MMP16: variants seen among roughly 807,000 people sequenced by gnomAD.
MMP16 encodes matrix metallopeptidase 16.
MMP16 carries 12 observed loss-of-function variants against 67.8 expected under a neutral mutation model. The ratio of observed to expected loss-of-function variants is 0.18; its 90% CI spans 0.11 to 0.29. MMP16 has a LOEUF of 0.29. Ranked by LOEUF, MMP16 falls within the 10% of genes least tolerant of loss-of-function variation. MMP16 has a pLI of 1.00. For synonymous variants in MMP16, 249 were observed against 255.9 expected, an observed-to-expected ratio of 0.97 and a Z score of 0.26; for missense variants, 475 against 765.7, an observed-to-expected ratio of 0.62 and a Z score of 4.48.
chr8:88,256,187 T>C (rs1310560568), intron 1 of MMP16, among the ~76,000 whole-genome samples: 1 of 152,194 alleles, frequency 6.6e-6, no homozygotes, highest in East Asian at 1.9e-4. Context: ...TGTAATGTTC[T>C]AAATACTTAT....
rs1387321342 is a variant in MMP16 at position 88,149,638 on chromosome 8, G to A, written c.709+18031C>T. 2.0e-5 allele frequency among the ~76,000 whole-genome samples: 3 copies of A among 151,548 alleles called. No homozygotes were observed. In the South Asian group the frequency reaches 6.2e-4, roughly 32 times the overall value. On this transcript the variant is annotated intron_variant, in intron 4 of 9. Coordinates refer to ENST00000286614, the MANE Select transcript of MMP16 (RefSeq NM_005941.5). ...CACGGCAGGGTATTCCAACAGACCT[G>A]CAGCTGAGGGTGCTGTCTGTTAGAA...
intron 4 of MMP16, among the ~76,000 whole-genome samples, chr8:88,161,302 C>A (rs1430637890): frequency 6.6e-6 from 1 of 152,170 alleles, no homozygotes; most frequent in Non-Finnish European, 1.5e-5. Context: ...AGGAATTTAT[C>A]CATTTCTTCT....
At chr8:88,200,060 T>C (rs562658045) in intron 1 of MMP16, among the ~76,000 whole-genome samples, 1 of 152,158 alleles carries the variant, frequency 6.6e-6, no homozygotes, top group South Asian at 2.1e-4. Context: ...TATTATTTTA[T>C]GCTTACCAAC....
intron 1 of MMP16, among the ~76,000 whole-genome samples, chr8:88,300,802 G>A (rs1002689512): frequency 1.2e-4 from 19 of 152,218 alleles, no homozygotes; most frequent in African/African-American, 4.1e-4. Context: ...AAGTACAGAA[G>A]CCTCCAAGAT....
intron 8 of MMP16, among the ~76,000 whole-genome samples, chr8:88,054,141 A>G (rs1808302832): frequency 6.6e-6 from 1 of 152,184 alleles, no homozygotes; most frequent in African/African-American, 2.4e-5. Context: ...TGTGGGAAAA[A>G]GAGCTATCTG....
chr8:88,062,613 C>T (rs1188237724), intron 7 of MMP16, among the ~76,000 whole-genome samples: 5 of 151,528 alleles, frequency 3.3e-5, no homozygotes, highest in South Asian at 2.1e-4. Flanking sequence ...ACAATGAGAA[C>T]ACTTGGACAC....
chr8:88,306,882 C>A (rs1342955331), intron 1 of MMP16, among the ~76,000 whole-genome samples: 1 of 152,160 alleles, frequency 6.6e-6, no homozygotes, highest in African/African-American at 2.4e-5. Context: ...GACATGGATA[C>A]CCTCTTACCA....
At chr8:88,303,782 C>T (rs1811170259) in intron 1 of MMP16, among the ~76,000 whole-genome samples, 2 of 152,304 alleles carry the variant, frequency 1.3e-5, no homozygotes, top group South Asian at 4.1e-4. Context: ...ACAAAAAACC[C>T]TCACAGAAAA....
At chr8:88,076,526 G>T (rs1330950397) in intron 6 of MMP16, among the ~76,000 whole-genome samples, 1 of 152,010 alleles carries the variant, frequency 6.6e-6, no homozygotes, top group Non-Finnish European at 1.5e-5. Flanking sequence ...CATGGTGCTA[G>T]GTGGCCTGGA....
chr8:88,261,065 T>G (rs1810381124), intron 1 of MMP16, among the ~76,000 whole-genome samples: 1 of 152,232 alleles, frequency 6.6e-6, no homozygotes, highest in Admixed American at 6.5e-5. Context: ...CATTGCATTT[T>G]GAAATACTGA....
rs1391526471 is a variant in MMP16, at chr8:88,033,259, TTATGGG to T, written c.*8196_*8201del. 2.0e-5 allele frequency: 3 copies of T among 150,074 alleles called. No individual in the cohort carries two copies. Among genetic ancestry groups the T allele is most frequent in the Non-Finnish European group, 4.4e-5 (3 of 67,566 alleles). 9.3% of individuals were successfully genotyped at this position (150,074 alleles called of 1,614,324 possible). On this transcript the variant is annotated 3_prime_UTR_variant, in exon 10 of 10. Coordinates refer to ENST00000286614, the MANE Select transcript of MMP16 (RefSeq NM_005941.5). Reference sequence around the variant, plus strand: ...ATGGTATTTATTTGACAAACTAAGTTTATGGGAGCTTTTTCTCCTTAATCTATCTAG... The same window carrying T: ...ATGGTATTTATTTGACAAACTAAGTTAGCTTTTTCTCCTTAATCTATCTAG...
chr8:88,299,340 T>C (rs1201984424), intron 1 of MMP16, among the ~76,000 whole-genome samples: 4 of 152,148 alleles, frequency 2.6e-5, no homozygotes, highest in African/African-American at 7.2e-5. Context: ...GTACACTTCA[T>C]ACTCCAAATT....
chr8:88,069,368 T>C (rs751162886), intron 7 of MMP16: 2 of 453,316 alleles, frequency 4.4e-6, no homozygotes, highest in African/African-American at 2.1e-5. Context: ...TGATTGTTCT[T>C]TGTTAGTATG....
At chr8:88,067,986 C>T (rs1166629192) in intron 7 of MMP16, among the ~76,000 whole-genome samples, 1 of 152,026 alleles carries the variant, frequency 6.6e-6, no homozygotes, top group Admixed American at 6.6e-5. Context: ...TTAAAGAAAA[C>T]TGCCAAAATG....
In MMP16 at chr8:88,167,898, C is replaced by T. The variant is rs556208851; in HGVS notation, c.480G>A (p.Gln160=). Residue 160 remains glutamine, a synonymous_variant, in exon 4 of 10, where the codon CAG becomes CAA. Transcript: ENST00000286614. ...CTTCAAATGTCAGAGGAGTTACATTCTGCCACACATCAAAGGCACGGCGAA... is the reference window on the plus strand; with the variant it reads ...CTTCAAATGTCAGAGGAGTTACATTTTGCCACACATCAAAGGCACGGCGAA... ...KAIRRAFDVW[Q]NVTPLTFEEV... is the part of the protein sequence containing the mutation. The T allele has an allele frequency of 1.5e-5, 25 of 1,614,032 alleles. No homozygotes were observed. In the East Asian group the frequency reaches 5.1e-4, roughly 33 times the overall value.
chr8:88,129,826 C>T (rs1179526840), intron 4 of MMP16, among the ~76,000 whole-genome samples: 1 of 151,376 alleles, frequency 6.6e-6, no homozygotes, highest in Non-Finnish European at 1.5e-5. Flanking sequence ...AATTCATAGA[C>T]AAACAAAAAT....
chr8:88,041,020 GAAAAA>G lies in MMP16; in HGVS notation c.*436_*440del, dbSNP rs28988881. On this transcript the variant is annotated 3_prime_UTR_variant, in exon 10 of 10. Coordinates refer to ENST00000286614, the MANE Select transcript of MMP16 (RefSeq NM_005941.5). The surrounding 1 kb of genome is among the most constrained non-coding windows in gnomAD (Gnocchi z 6.0). ...TTCCCTTTGTTTTAAAGCAAAAAAA[GAAAAA>G]AAGAAAAAAAGAAAAAAAGAAAAAC... 1 of 93,466 alleles carries G rather than the reference GAAAAA, an allele frequency of 1.1e-5. No individual in the cohort carries two copies. Among genetic ancestry groups the G allele is most frequent in the Admixed American group, 9.5e-5 (1 of 10,570 alleles). The allele number at this position is 93,466 out of a possible 1,614,324, so 5.8% of individuals were successfully genotyped here.
chr8:88,260,894 T>C (rs1271664197), intron 1 of MMP16, among the ~76,000 whole-genome samples: 1 of 152,152 alleles, frequency 6.6e-6, no homozygotes, highest in African/African-American at 2.4e-5. Flanking sequence ...ATTGTTTCCA[T>C]TGGATAAGCA....
At chr8:88,116,771 G>T in intron 5 of MMP16, 53 bp from the exon 6 acceptor site, 1 of 1,474,078 alleles carries the variant, frequency 6.8e-7, no homozygotes, top group Non-Finnish European at 9.4e-7. Context: ...GAATAGAGCT[G>T]GAAAATATGC....
Sources: gnomAD v4.1 joint callset for allele counts (sites outside exome capture counted in the v4.1 genomes callset) on GRCh38, gnomAD v4.1.1 for gene constraint, Gnocchi (gnomAD v3.1) non-coding constraint, MANE v1.5 for transcripts, NCBI Gene and HGNC (gene_info 2026-07-23, HGNC 2026-07-21) for gene names.